Variants in NPAT observed in about 807,000 individuals in gnomAD.
NPAT encodes the protein nuclear protein, coactivator of histone transcription.
Under a neutral mutation model 130.7 loss-of-function variants are expected in NPAT, and 52 were observed. The observed-to-expected ratio is 0.40, with a 90% CI of 0.32 to 0.50. NPAT has a LOEUF of 0.50. NPAT is among the 20% of genes least tolerant of loss of function. The probability of loss-of-function intolerance (pLI) is 0.68; values close to 1 mark genes in which losing one functional copy is unlikely to be tolerated. For synonymous variants in NPAT, 580 were observed against 584.8 expected (o/e 0.99, Z 0.12); for missense variants, 1,687 against 1,662.6 (o/e 1.01, Z -0.26).
intron 2 of NPAT, among the ~76,000 whole-genome samples, chr11:108,194,799 GC>G (rs2078204388): frequency 6.6e-6 from 1 of 150,766 alleles, no homozygotes; most frequent in Non-Finnish European, 1.5e-5. Flanking sequence ...AAAGGTGTGA[GC>G]CATCACGCCT....
In NPAT at chr11:108,157,237, T is replaced by C. The variant is rs1331579743; in HGVS notation, c.*1705A>G. ...GAAGAAAGTAAACTTATTTTATTTG[T>C]ATATGAATTTTCAGTGCTTAGTACA... On this transcript the variant is annotated 3_prime_UTR_variant, in exon 18 of 18. Transcript: ENST00000278612. 6.6e-6 allele frequency: 1 copy of C among 151,992 alleles called. No individual in the cohort carries two copies. The highest frequency in any genetic ancestry group is 1.5e-5 in the Non-Finnish European group (1 of 68,004). The allele number at this position is 151,992 out of a possible 1,614,324, so 9.4% of individuals were successfully genotyped here.
chr11:108,171,886 A>G (rs2077954951), intron 13 of NPAT: 1 of 270,820 alleles, frequency 3.7e-6, no homozygotes, highest in Non-Finnish European at 7.1e-6. Context: ...CCCCCACAAC[A>G]TTGGGTTTTA....
At position 108,162,126 on chromosome 11, in the gene NPAT, G is replaced by C. The variant is rs745548434; in HGVS notation, c.3065C>G (p.Ala1022Gly). 1.2e-6 allele frequency: 2 copies of C among 1,613,798 alleles called. No individual in the cohort carries two copies. Among genetic ancestry groups the C allele is most frequent in the Admixed American group, 1.7e-5 (1 of 60,020 alleles). Residue 1022 changes from alanine to glycine, a missense_variant, in exon 16 of 18, where the codon GCA becomes GGA. This residue lies in a region of NPAT where 1,379 missense variants were observed against 1,346.6 expected (regional missense o/e 1.02). Coordinates refer to ENST00000278612, the MANE Select transcript of NPAT (RefSeq NM_002519.3). ...GAAACTACTTTATACTCACTTTTGT[G>C]CATGACATCCAACTGAATGACCTGA... Reference protein sequence around the residue: ...DSSGHSVGCHAQKTEVSDKSI... With the variant: ...DSSGHSVGCHGQKTEVSDKSI...
intron 8 of NPAT, among the ~76,000 whole-genome samples, chr11:108,186,041 G>C (rs890749610): frequency 6.7e-6 from 1 of 150,356 alleles, no homozygotes; most frequent in East Asian, 2.0e-4. Context: ...TTTTGAGACA[G>C]GGTCTGACTC....
chr11:108,164,720 A>G (rs2077884638), intron 15 of NPAT, among the ~76,000 whole-genome samples: 1 of 152,034 alleles, frequency 6.6e-6, no homozygotes, highest in Non-Finnish European at 1.5e-5. Flanking sequence ...TTAGTAGTGG[A>G]AAGGATCTAG....
intron 4 of NPAT, among the ~76,000 whole-genome samples, chr11:108,191,814 G>GAATT (rs35572503): frequency 0.043 from 6,548 of 152,250 alleles, 201 homozygotes; most frequent in Non-Finnish European, 0.067. Flanking sequence ...TTGCCTAAGG[G>GAATT]AATTCACAGT....
At position 108,222,634 on chromosome 11, in the gene NPAT, G is replaced by T; in HGVS notation, c.-98C>A. On this transcript the variant is annotated 5_prime_UTR_variant, in exon 1 of 18. Transcript: ENST00000278612. Reference sequence around the variant, plus strand: ...GCCGCATCTCCTGGTTCCAGTGGCGGCACTGAACTCGCGGCAATTTGTCCC... The same window carrying T: ...GCCGCATCTCCTGGTTCCAGTGGCGTCACTGAACTCGCGGCAATTTGTCCC... 3 of 1,340,894 alleles carry T rather than the reference G, an allele frequency of 2.2e-6. No individual in the cohort carries two copies. The highest frequency in any genetic ancestry group is 3.2e-6 in the Non-Finnish European group (3 of 947,398). 83.1% of individuals were successfully genotyped at this position (1,340,894 alleles called of 1,614,324 possible).
chr11:108,172,040 G>C, intron 13 of NPAT, 159 bp downstream of exon 13: 1 of 658,384 alleles, frequency 1.5e-6, no homozygotes, highest in South Asian at 1.8e-5. Flanking sequence ...AAAAAGGTTT[G>C]AATTAGCTAG....
intron 3 of NPAT, among the ~76,000 whole-genome samples, 187 bp downstream of exon 3, chr11:108,193,770 C>G (rs549174751): frequency 6.6e-6 from 1 of 151,692 alleles, no homozygotes; most frequent in African/African-American, 2.4e-5. Context: ...AAAAACAAAA[C>G]AAAACAAAAA....
Position 108,161,517 on chromosome 11 carries a change from T to C in NPAT, c.3569A>G (p.Gln1190Arg). ...NPENSKLSIG[Q>R]QNGGLRSEKS... Reference sequence around the variant, plus strand: ...CTCACTTCGCAAACCCCCATTTTGCTGCCCAATAGATAGTTTTGAATTTTC... The same window carrying C: ...CTCACTTCGCAAACCCCCATTTTGCCGCCCAATAGATAGTTTTGAATTTTC... The change falls in exon 17 of 18, where the codon CAG becomes CGG. Residue 1190 changes from glutamine (Q) to arginine (R), a missense_variant. Gln to Arg is a conservative substitution (Grantham distance 43, BLOSUM62 1). This residue lies in a region of NPAT where 1,379 missense variants were observed against 1,346.6 expected (regional missense o/e 1.02). Transcript: ENST00000278612. The C allele has an allele frequency of 6.2e-7, 1 of 1,614,232 alleles. No homozygotes were observed. The highest frequency in any genetic ancestry group is 8.5e-7 in the Non-Finnish European group (1 of 1,180,042).
chr11:108,211,782 T>G (rs995788843), intron 1 of NPAT, among the ~76,000 whole-genome samples: 4 of 152,150 alleles, frequency 2.6e-5, no homozygotes, highest in Non-Finnish European at 5.9e-5. Context: ...GACCCCCATC[T>G]CTGCAAAAAA....
intron 1 of NPAT, among the ~76,000 whole-genome samples, chr11:108,216,529 A>T (rs1257534507): frequency 6.6e-6 from 1 of 151,894 alleles, no homozygotes; most frequent in Non-Finnish European, 1.5e-5. Flanking sequence ...AAAAAAAAAA[A>T]GCCTAAGAAG....
At chr11:108,189,358 A>C in intron 5 of NPAT, 28 bp from the exon 6 acceptor site, 1 of 1,604,106 alleles carries the variant, frequency 6.2e-7, no homozygotes, top group Non-Finnish European at 8.5e-7. Context: ...TTAAAAAACA[A>C]ATTCAACGTC....
chr11:108,201,156 C>T (rs2078272438), intron 1 of NPAT, among the ~76,000 whole-genome samples: 2 of 152,156 alleles, frequency 1.3e-5, no homozygotes, highest in African/African-American at 4.8e-5. Flanking sequence ...ATCTAAGGCT[C>T]AGCTCTGTCA....
Position 108,197,285 on chromosome 11 carries a change from A to G in NPAT, c.156+17T>C. Reference sequence around the variant, plus strand: ...TTGTGTTGATGAAATATTTCCCTTAAGGAACAAATAACTCACCAGTAAGCA... The same window carrying G: ...TTGTGTTGATGAAATATTTCCCTTAGGGAACAAATAACTCACCAGTAAGCA... On this transcript the variant is annotated intron_variant, in intron 2 of 17. Coordinates refer to ENST00000278612, the MANE Select transcript of NPAT (RefSeq NM_002519.3). The G allele has an allele frequency of 1.4e-6, 2 of 1,421,760 alleles. No individual in the cohort carries two copies. Among genetic ancestry groups the G allele is most frequent in the East Asian group, 4.5e-5 (2 of 43,984 alleles). The allele number at this position is 1,421,760 out of a possible 1,614,324, so 88.1% of individuals were successfully genotyped here. A position where few individuals can be genotyped will look rare whatever the true frequency, so the allele number is the denominator to read the frequency against.
intron 15 of NPAT, among the ~76,000 whole-genome samples, chr11:108,167,883 T>C (rs1183311790): frequency 6.6e-6 from 1 of 152,076 alleles, no homozygotes; most frequent in East Asian, 1.9e-4. Flanking sequence ...GACAGGAAAT[T>C]TAATAGAGAA....
In NPAT at chr11:108,173,441, G is replaced by A; in HGVS notation, c.1543C>T (p.Leu515Phe). ...TTTTCATTGTTAGCTTCACAACCAA[G>A]TGAAACAAATGAAGTTATTGGTATA... ...PDIPITSFVS[L>F]GCEANNENLI... The change falls in exon 13 of 18, where the codon CTT becomes TTT. Residue 515 changes from leucine (L) to phenylalanine (F), a missense_variant. Around this residue, in one of 3 missense-constraint regions of NPAT, gnomAD observed 1,379 missense variants for 1,346.6 expected, o/e 1.02. Transcript: ENST00000278612. 1 of 1,614,162 alleles carries A rather than the reference G, an allele frequency of 6.2e-7. No homozygotes were observed. The highest frequency in any genetic ancestry group is 8.5e-7 in the Non-Finnish European group (1 of 1,180,014).
chr11:108,206,212 G>A (rs760177066), intron 1 of NPAT, among the ~76,000 whole-genome samples: 5 of 152,194 alleles, frequency 3.3e-5, no homozygotes, highest in African/African-American at 4.8e-5. Context: ...ACTATATGCT[G>A]TTGTCACAGG....
At chr11:108,197,165 C>A in intron 2 of NPAT, 137 bp downstream of exon 2, 1 of 689,470 alleles carries the variant, frequency 1.5e-6, no homozygotes, top group Non-Finnish European at 2.7e-6. Flanking sequence ...TTCTTTGGGT[C>A]TTACCAGTCA....
Sources: gnomAD v4.1 joint callset for allele counts (sites outside exome capture counted in the v4.1 genomes callset) on GRCh38, gnomAD v4.1.1 for gene constraint, gnomAD v4.1.1 regional missense constraint, MANE v1.5 for transcripts, NCBI Gene and HGNC (gene_info 2026-07-23, HGNC 2026-07-21) for gene names.